The following ARHGAP26 variants were observed in gnomAD, a reference collection of about 807,000 sequenced individuals.
ARHGAP26 encodes the protein Rho GTPase activating protein 26.
Under a neutral mutation model 104.8 loss-of-function variants are expected in ARHGAP26, and 38 were observed. That is an observed-to-expected ratio of 0.36 (90% CI 0.28 to 0.48). The LOEUF is 0.48. Among genes scored for constraint, ARHGAP26 ranks in the 20% least tolerant of loss-of-function variants. The pLI, the probability that ARHGAP26 is intolerant of heterozygous loss-of-function variation, is 0.99. For synonymous variants in ARHGAP26, 341 were observed against 340.0 expected, an observed-to-expected ratio of 1.00 and a Z score of -0.03; for missense variants, 704 against 947.9, an observed-to-expected ratio of 0.74 and a Z score of 3.38.
chr5:143,052,875 C>A (rs1196728301), intron 14 of ARHGAP26, among the ~76,000 whole-genome samples: 1 of 152,176 alleles, frequency 6.6e-6, no homozygotes, highest in Non-Finnish European at 1.5e-5. Flanking sequence ...TCATTGATGT[C>A]CCAGAATTAT....
At chr5:143,049,660 G>C (rs1475170458) in intron 14 of ARHGAP26, among the ~76,000 whole-genome samples, 1 of 152,108 alleles carries the variant, frequency 6.6e-6, no homozygotes, top group African/African-American at 2.4e-5. Context: ...GATTCTCCTT[G>C]TTCTGCTATT....
intron 1 of ARHGAP26, among the ~76,000 whole-genome samples, chr5:142,822,263 G>A (rs149749529): frequency 2.9e-4 from 44 of 152,288 alleles, no homozygotes; most frequent in African/African-American, 1.0e-3. Flanking sequence ...GCTGCCTGAT[G>A]ACTCAGACTC....
intron 17 of ARHGAP26, chr5:143,058,228 GT>G (rs34633220): frequency 0.014 from 5,014 of 365,356 alleles, 57 homozygotes; most frequent in Middle Eastern, 0.044. Flanking sequence ...CTATTCCTTA[GT>G]TTCCCCATCT....
chr5:142,832,836 T>A (rs1768760114), intron 1 of ARHGAP26, among the ~76,000 whole-genome samples: 1 of 152,202 alleles, frequency 6.6e-6, no homozygotes, highest in Admixed American at 6.5e-5. Flanking sequence ...GCTGAAATGA[T>A]GAGCTAGGCA....
chr5:143,185,873 G>T (rs539242203), intron 20 of ARHGAP26, among the ~76,000 whole-genome samples: 13 of 152,294 alleles, frequency 8.5e-5, no homozygotes, highest in Admixed American at 8.5e-4. Context: ...CCCCTCCCTT[G>T]CTTTCCCACT....
At chr5:142,835,438 A>C (rs1769364181) in intron 1 of ARHGAP26, among the ~76,000 whole-genome samples, 1 of 152,202 alleles carries the variant, frequency 6.6e-6, no homozygotes, top group Non-Finnish European at 1.5e-5. Context: ...AGGTAATATC[A>C]AGTCTATTTG....
At chr5:143,184,217 C>T (rs1804811111) in intron 20 of ARHGAP26, among the ~76,000 whole-genome samples, 1 of 152,172 alleles carries the variant, frequency 6.6e-6, no homozygotes, top group African/African-American at 2.4e-5. Context: ...GTCTGAAATG[C>T]CAGCTGTCCC....
intron 11 of ARHGAP26, among the ~76,000 whole-genome samples, chr5:143,006,193 T>C (rs898227444): frequency 6.6e-6 from 1 of 152,162 alleles, no homozygotes; most frequent in African/African-American, 2.4e-5. Flanking sequence ...GAAAGATTCA[T>C]AGAGAATTTG....
chr5:142,963,192 A>ATGTGTGTG (rs1226879690), intron 11 of ARHGAP26, among the ~76,000 whole-genome samples: 12 of 104,382 alleles, frequency 1.1e-4, no homozygotes, highest in East Asian at 1.1e-3. Context: ...ATATATATAT[A>ATGTGTGTG]TATATATGTG....
rs749173856 is a variant in ARHGAP26, at chr5:142,879,469, C to T, written c.384+24C>T. The T allele has an allele frequency of 1.1e-5, 17 of 1,602,568 alleles. No individual in the cohort carries two copies. In the East Asian group the frequency reaches 3.6e-4, roughly 34 times the overall value. On this transcript the variant is annotated intron_variant, in intron 4 of 22. Coordinates refer to ENST00000645722, the MANE Select transcript of ARHGAP26 (RefSeq NM_001135608.3). Reference sequence around the variant, plus strand: ...AGGTGAGAATTTTGCAAGCTTTGGTCTGGATTTTAGGGTGAGAGGTCTGGA... The same window carrying T: ...AGGTGAGAATTTTGCAAGCTTTGGTTTGGATTTTAGGGTGAGAGGTCTGGA...
At chr5:142,894,370 A>C (rs377299653) in intron 6 of ARHGAP26, 22 bp downstream of exon 6, 1 of 1,593,870 alleles carries the variant, frequency 6.3e-7, no homozygotes, top group African/African-American at 1.3e-5. Context: ...TTCAGGGTTT[A>C]ATGATGTACC....
At chr5:142,811,608 G>A (rs1764086964) in intron 1 of ARHGAP26, among the ~76,000 whole-genome samples, 1 of 152,198 alleles carries the variant, frequency 6.6e-6, no homozygotes, top group African/African-American at 2.4e-5. Flanking sequence ...ACAGAATCAT[G>A]CCTTTGCGGA....
intron 11 of ARHGAP26, among the ~76,000 whole-genome samples, chr5:142,963,635 C>A (rs1770781549): frequency 1.3e-5 from 2 of 152,258 alleles, no homozygotes; most frequent in South Asian, 4.1e-4. Flanking sequence ...CAGATCTCAG[C>A]CTAAATGTCA....
chr5:143,227,502 T>C lies in ARHGAP26; in HGVS notation c.*5056T>C, dbSNP rs1009437372. On this transcript the variant is annotated 3_prime_UTR_variant, in exon 23 of 23. Transcript: ENST00000645722. ...GATCGGCTGGGTGCTGAACCGCCTC[T>C]CTGTAATTGTAGCATCAAAATGACA... 1 of 231,160 alleles carries C rather than the reference T, an allele frequency of 4.3e-6. No individual in the cohort carries two copies. The highest frequency in any genetic ancestry group is 8.6e-6 in the Non-Finnish European group (1 of 116,698). 14.3% of individuals were successfully genotyped at this position (231,160 alleles called of 1,614,324 possible).
At chr5:143,041,742 G>A (rs941340428) in intron 13 of ARHGAP26, 74 bp from the exon 14 acceptor site, 75 of 635,174 alleles carry the variant, frequency 1.2e-4, no homozygotes, top group Admixed American at 3.7e-4. Flanking sequence ...AAAAAAAAAA[G>A]TGCATTTGGC....
intron 11 of ARHGAP26, among the ~76,000 whole-genome samples, chr5:142,955,593 A>G (rs780724337): frequency 2.0e-5 from 3 of 152,198 alleles, no homozygotes; most frequent in Non-Finnish European, 4.4e-5. Context: ...CCATATCACA[A>G]ACCTCCCGCC....
intron 20 of ARHGAP26, among the ~76,000 whole-genome samples, chr5:143,149,706 G>A (rs555803422): frequency 1.8e-4 from 27 of 152,238 alleles, no homozygotes; most frequent in Admixed American, 8.5e-4. Context: ...TCCCTCCATC[G>A]TTGTTGAGTT....
chr5:143,182,148 CTG>C (rs1166344551), intron 20 of ARHGAP26, among the ~76,000 whole-genome samples: 2 of 152,222 alleles, frequency 1.3e-5, no homozygotes, highest in Non-Finnish European at 2.9e-5. Context: ...CCACATCACT[CTG>C]TGTTATTTCC....
chr5:143,038,008 T>C (rs1334201145), intron 13 of ARHGAP26, among the ~76,000 whole-genome samples: 1 of 152,214 alleles, frequency 6.6e-6, no homozygotes, highest in African/African-American at 2.4e-5. Flanking sequence ...CATCCCTTCT[T>C]CAGAGACAGC....
Sources: allele counts gnomAD v4.1 joint callset (sites outside exome capture counted in the v4.1 genomes callset), GRCh38; gene constraint gnomAD v4.1.1; transcripts MANE v1.5; gene names NCBI Gene and HGNC (gene_info 2026-07-23, HGNC 2026-07-21).